Variants in LUC7L3 observed in about 807,000 individuals in gnomAD.
LUC7L3 encodes luc7-like protein 3.
LUC7L3 carries 6 observed loss-of-function variants against 66.8 expected under a neutral mutation model. The ratio of observed to expected loss-of-function variants is 0.09; its 90% CI spans 0.05 to 0.18. LUC7L3 has a LOEUF of 0.18. LUC7L3 is among the 10% of genes least tolerant of loss of function. LUC7L3 has a pLI of 1.00. For missense variants in LUC7L3, 341 were observed against 531.1 expected, an observed-to-expected ratio of 0.64 and a Z score of 3.52; for synonymous variants, 160 against 174.7, an observed-to-expected ratio of 0.92 and a Z score of 0.66.
At chr17:50,734,923 T>C (rs1199288470) in intron 1 of LUC7L3, among the ~76,000 whole-genome samples, 3 of 152,154 alleles carry the variant, frequency 2.0e-5, no homozygotes, top group African/African-American at 7.2e-5. Flanking sequence ...TAAGTAAAGA[T>C]AAAATTCACA....
At position 50,751,477 on chromosome 17, in the gene LUC7L3, G is replaced by T; in HGVS notation, c.*816G>T. The T allele has an allele frequency of 1.7e-6, 2 of 1,209,206 alleles. No homozygotes were observed. Among genetic ancestry groups the T allele is most frequent in the East Asian group, 6.0e-5 (1 of 16,652 alleles). The allele number at this position is 1,209,206 out of a possible 1,614,324, so 74.9% of individuals were successfully genotyped here. ...TTTGTTCTTTACAAGAAGTGCAGAG[G>T]GGTTTTTTGTGTATTGCGTGAAAAC... On this transcript the variant is annotated 3_prime_UTR_variant, in exon 10 of 10. Coordinates refer to ENST00000505658, the MANE Select transcript of LUC7L3 (RefSeq NM_016424.5).
intron 1 of LUC7L3, among the ~76,000 whole-genome samples, chr17:50,726,850 G>A (rs1158670030): frequency 6.6e-6 from 1 of 152,062 alleles, no homozygotes; most frequent in East Asian, 1.9e-4. Context: ...AGCACTTTGG[G>A]AGGCCGAGGT....
At chr17:50,746,440 A>C (rs1315421292) in intron 8 of LUC7L3, 102 bp from the exon 9 acceptor site, 3 of 983,622 alleles carry the variant, frequency 3.0e-6, no homozygotes, top group Non-Finnish European at 4.6e-6. Context: ...TATGTTTTAG[A>C]GGGTAAGTTT....
chr17:50,721,307 C>T (rs1329445157), intron 1 of LUC7L3, among the ~76,000 whole-genome samples: 2 of 152,148 alleles, frequency 1.3e-5, no homozygotes, highest in African/African-American at 4.8e-5. Context: ...TATCTCTGCA[C>T]CCTTGACTTT....
At chr17:50,740,459 G>A (rs893136334) in intron 3 of LUC7L3, 114 bp downstream of exon 3, 5 of 957,456 alleles carry the variant, frequency 5.2e-6, no homozygotes, top group Admixed American at 4.7e-5. Context: ...GAGAAGTCCA[G>A]TCAGTGGCTG....
At chr17:50,719,857 G>A (rs752075553) in intron 1 of LUC7L3, 26 bp downstream of exon 1, 2 of 1,585,482 alleles carry the variant, frequency 1.3e-6, no homozygotes, top group South Asian at 1.1e-5. Context: ...CTTGGCCTGA[G>A]CCCGGGCTCC....
intron 2 of LUC7L3, among the ~76,000 whole-genome samples, chr17:50,740,003 A>G (rs1164821224): frequency 6.6e-6 from 1 of 152,168 alleles, no homozygotes; most frequent in Non-Finnish European, 1.5e-5. Context: ...AGTTTTCTTT[A>G]GTGGCAATAA....
At chr17:50,734,120 CTA>C (rs1259590595) in intron 1 of LUC7L3, among the ~76,000 whole-genome samples, 4 of 151,806 alleles carry the variant, frequency 2.6e-5, no homozygotes, top group African/African-American at 9.7e-5. Context: ...TTAAAATAAA[CTA>C]TTTGTGACAA....
intron 1 of LUC7L3, chr17:50,722,318 C>T (rs1231067935): frequency 6.7e-6 from 1 of 148,996 alleles, no homozygotes; most frequent in Admixed American, 6.8e-5. Flanking sequence ...CTGCTTCAGC[C>T]TCCCCAGTAG....
rs759279084 is a variant in LUC7L3, at chr17:50,746,720, T to C, written c.1138+18T>C. 9.3e-6 allele frequency: 15 copies of C among 1,604,552 alleles called. No homozygotes were observed. The Admixed American group carries it at 2.6e-4, about 28-fold the overall frequency. ...GGAGAAAGGTTAGTTTATATGAGAA[T>C]TCAGTTCATTAAGAAACTTTTCACA... On this transcript the variant is annotated intron_variant, in intron 9 of 9. Coordinates refer to ENST00000505658, the MANE Select transcript of LUC7L3 (RefSeq NM_016424.5).
intron 2 of LUC7L3, among the ~76,000 whole-genome samples, chr17:50,740,047 C>T (rs2146747243): frequency 6.6e-6 from 1 of 152,176 alleles, no homozygotes; most frequent in African/African-American, 2.4e-5. Flanking sequence ...CTCCTTTTCT[C>T]CCTCCCTCCT....
intron 4 of LUC7L3, 53 bp from the exon 5 acceptor site, chr17:50,741,604 A>G (rs866661341): frequency 1.8e-6 from 2 of 1,121,150 alleles, no homozygotes; most frequent in Admixed American, 1.8e-5. Context: ...GCAAGTTTGC[A>G]TGTTTATCTT....
At chr17:50,743,834 A>G (rs1424984604) in intron 6 of LUC7L3, 24 bp downstream of exon 6, 2 of 1,498,894 alleles carry the variant, frequency 1.3e-6, no homozygotes, top group Admixed American at 3.5e-5. Flanking sequence ...ATTTCACATT[A>G]TCTCATCTGT....
chr17:50,731,898 C>T (rs923292463), intron 1 of LUC7L3, among the ~76,000 whole-genome samples: 2 of 152,236 alleles, frequency 1.3e-5, no homozygotes, highest in East Asian at 3.9e-4. Flanking sequence ...CTACGGAAAC[C>T]TACCCCCAGA....
intron 1 of LUC7L3, 127 bp from the exon 2 acceptor site, chr17:50,736,833 A>G (rs1413444717): frequency 1.6e-6 from 1 of 643,378 alleles, no homozygotes; most frequent in East Asian, 2.8e-5. Flanking sequence ...TGATTCAACA[A>G]ATGAAATTCT....
At chr17:50,720,250 T>C (rs200304294) in intron 1 of LUC7L3, among the ~76,000 whole-genome samples, 1 of 152,232 alleles carries the variant, frequency 6.6e-6, no homozygotes, top group Non-Finnish European at 1.5e-5. Context: ...ATCGTGGCGG[T>C]ATTTTATTTA....
At chr17:50,729,550 C>A (rs1969424757) in intron 1 of LUC7L3, among the ~76,000 whole-genome samples, 1 of 152,060 alleles carries the variant, frequency 6.6e-6, no homozygotes, top group Non-Finnish European at 1.5e-5. Context: ...TGGACAAGAT[C>A]CCCTCCCATC....
At position 50,741,653 on chromosome 17, in the gene LUC7L3, A is replaced by C; in HGVS notation, c.352-4A>C. The stretch of plus-strand genomic sequence containing the variant: ...TTGGTAATACGTTTTATTGTCTTCA[A>C]TAGGCCGCTGGCCCAACAGGCAAAA... On this transcript the variant is annotated splice_polypyrimidine_tract_variant and splice_region_variant and intron_variant, in intron 4 of 9. Transcript: ENST00000505658. 1 of 1,609,420 alleles carries C rather than the reference A, an allele frequency of 6.2e-7. No individual in the cohort carries two copies. Among genetic ancestry groups the C allele is most frequent in the South Asian group, 1.1e-5 (1 of 90,910 alleles).
At chr17:50,737,150 G>A in intron 2 of LUC7L3, 124 bp downstream of exon 2, 2 of 683,528 alleles carry the variant, frequency 2.9e-6, no homozygotes. Context: ...TTGCTAATAA[G>A]TAATTTCTTA....
Sources: allele counts gnomAD v4.1 joint callset (sites outside exome capture counted in the v4.1 genomes callset), GRCh38; gene constraint gnomAD v4.1.1; transcripts MANE v1.5; gene names NCBI Gene and HGNC (gene_info 2026-07-23, HGNC 2026-07-21).